The following RECK variants were observed in gnomAD, a reference collection of about 807,000 sequenced individuals.
The protein encoded by RECK is reversion inducing cysteine rich protein with kazal motifs.
RECK carries 69 observed loss-of-function variants against 115.1 expected under a neutral mutation model. The ratio of observed to expected loss-of-function variants is 0.60; its 90% confidence interval spans 0.49 to 0.73. The LOEUF is 0.73. Among genes scored for constraint, RECK ranks in the 30% least tolerant of loss-of-function variants. The probability of loss-of-function intolerance (pLI) is 0.00; values close to 1 mark genes in which losing one functional copy is unlikely to be tolerated. For missense variants in RECK, 1,047 were observed against 1,203.7 expected, an observed-to-expected ratio of 0.87 and a Z score of 1.93; for synonymous variants, 414 against 419.7, an observed-to-expected ratio of 0.99 and a Z score of 0.17.
At chr9:36,096,994 C>T (rs1214409454) in intron 10 of RECK, among the ~76,000 whole-genome samples, 1 of 151,936 alleles carries the variant, frequency 6.6e-6, no homozygotes, top group African/African-American at 2.4e-5. Context: ...ACTCCTACAA[C>T]ATCATGATAA....
At chr9:36,065,764 T>C (rs1821971715) in intron 6 of RECK, 140 bp downstream of exon 6, 1 of 562,400 alleles carries the variant, frequency 1.8e-6, no homozygotes, top group Admixed American at 4.3e-5. Context: ...GACAAAAATG[T>C]CATTTACTGT....
chr9:36,105,649 G>GA (rs1056152016), intron 13 of RECK, among the ~76,000 whole-genome samples: 2 of 151,376 alleles, frequency 1.3e-5, no homozygotes, highest in African/African-American at 4.9e-5. Context: ...TGTAATGTTT[G>GA]AAAAAAAATA....
chr9:36,100,473 T>C lies in RECK; in HGVS notation c.1228T>C (p.Trp410Arg), dbSNP rs562207546. ...LDIKKCQPEM[W>R]KAIACSLQIK... ...TATTAAAAAGTGCCAGCCAGAGATG[T>C]GGAAAGCAATAGCTTGTTCACTGCA... The change falls in exon 11 of 21, where the codon TGG becomes CGG. Residue 410 changes from tryptophan (W) to arginine (R), a missense_variant. Coordinates refer to ENST00000377966, the MANE Select transcript of RECK (RefSeq NM_021111.3). The C allele has an allele frequency of 6.2e-6, 10 of 1,614,166 alleles. 1 individual carries two copies. Among genetic ancestry groups the C allele is most frequent in the South Asian group, 3.3e-5 (3 of 91,084 alleles).
At chr9:36,101,355 A>G (rs1204621619) in intron 11 of RECK, among the ~76,000 whole-genome samples, 5 of 152,238 alleles carry the variant, frequency 3.3e-5, no homozygotes, top group Admixed American at 6.5e-5. Flanking sequence ...ACACATAGTA[A>G]TCTGCCCATT....
At chr9:36,122,012 C>T (rs551601663) in intron 20 of RECK, among the ~76,000 whole-genome samples, 36 of 152,248 alleles carry the variant, frequency 2.4e-4, no homozygotes, top group Non-Finnish European at 2.2e-4. Flanking sequence ...ATTGTACAGA[C>T]GAGGCAGCTG....
chr9:36,117,265 C>T (rs774638727), intron 17 of RECK, 88 bp downstream of exon 17: 105 of 1,049,724 alleles, frequency 1.0e-4, no homozygotes, highest in African/African-American at 3.4e-4. Flanking sequence ...TAAGACCAGC[C>T]GAGGGTCTTC....
chr9:36,078,456 A>G (rs1219066361), intron 6 of RECK, among the ~76,000 whole-genome samples: 1 of 152,190 alleles, frequency 6.6e-6, no homozygotes, highest in African/African-American at 2.4e-5. Flanking sequence ...TTTGGTCTGG[A>G]TAATCTTTTG....
chr9:36,072,908 A>G (rs1822288699), intron 6 of RECK: 1 of 152,108 alleles, frequency 6.6e-6, no homozygotes, highest in Non-Finnish European at 1.5e-5. Context: ...ATGATTCCAA[A>G]AGGGAATTTG....
chr9:36,118,984 G>T lies in RECK; in HGVS notation c.2464+17G>T, dbSNP rs775107099. The T allele has an allele frequency of 3.7e-6, 6 of 1,607,710 alleles. No individual in the cohort carries two copies. The South Asian group carries it at 6.6e-5, about 18-fold the overall frequency. Reference sequence around the variant, plus strand: ...TCCCACCGGGTAGGCTGGCAGTATCGGGGTGGACAGGGGAGGACTGAGAAG... The same window carrying T: ...TCCCACCGGGTAGGCTGGCAGTATCTGGGTGGACAGGGGAGGACTGAGAAG... On this transcript the variant is annotated intron_variant, in intron 18 of 20. Coordinates refer to ENST00000377966, the MANE Select transcript of RECK (RefSeq NM_021111.3).
intron 2 of RECK, chr9:36,057,100 G>A: frequency 1.2e-6 from 1 of 816,546 alleles, no homozygotes. Context: ...CTATTTGGAA[G>A]TGAGCCATTT....
At chr9:36,096,923 T>TAC (rs3070850) in intron 10 of RECK, among the ~76,000 whole-genome samples, 83,046 of 150,226 alleles carry the variant, frequency 0.55, 23,039 homozygotes, top group Admixed American at 0.59. Context: ...GGTGTGTGCA[T>TAC]ACACACACAC....
At chr9:36,122,274 T>C (rs1015407705) in intron 20 of RECK, among the ~76,000 whole-genome samples, 6 of 152,208 alleles carry the variant, frequency 3.9e-5, no homozygotes, top group African/African-American at 1.4e-4. Flanking sequence ...CACTAGGAAG[T>C]TCATCTCGTC....
intron 10 of RECK, among the ~76,000 whole-genome samples, chr9:36,097,148 AC>A (rs1478204347): frequency 6.6e-6 from 1 of 152,038 alleles, no homozygotes; most frequent in Non-Finnish European, 1.5e-5. Context: ...ACATGGTGAA[AC>A]CCCGTCTCTA....
In RECK at chr9:36,060,005, A is replaced by T; in HGVS notation, c.235-114A>T. The T allele has an allele frequency of 3.4e-6, 3 of 878,340 alleles. No homozygotes were observed. In the South Asian group the frequency reaches 4.6e-5, roughly 13 times the overall value. The allele number at this position is 878,340 out of a possible 1,614,324, so 54.4% of individuals were successfully genotyped here. Reference sequence around the variant, plus strand: ...ATGTGCCTGTAGTTCTAGAACATTGACTGTGTAGACATAGCCATAATCAAA... The same window carrying T: ...ATGTGCCTGTAGTTCTAGAACATTGTCTGTGTAGACATAGCCATAATCAAA... On this transcript the variant is annotated intron_variant, in intron 3 of 20. Coordinates refer to ENST00000377966, the MANE Select transcript of RECK (RefSeq NM_021111.3).
intron 14 of RECK, 57 bp downstream of exon 14, chr9:36,108,221 A>G: frequency 2.3e-6 from 3 of 1,301,842 alleles, no homozygotes; most frequent in South Asian, 1.5e-5. Context: ...TTTACTTTGT[A>G]GGAAGAATAC....
chr9:36,093,512 T>A (rs10972721), intron 10 of RECK, among the ~76,000 whole-genome samples: 46,378 of 151,930 alleles, frequency 0.31, 8,445 homozygotes, highest in Middle Eastern at 0.47. Flanking sequence ...AAATGCAATA[T>A]CTAAAATAAA....
chr9:36,083,686 T>G (rs1232325437), intron 8 of RECK, 124 bp downstream of exon 8: 1 of 1,059,874 alleles, frequency 9.4e-7, no homozygotes, highest in Non-Finnish European at 1.3e-6. Flanking sequence ...CTTCCTTTGG[T>G]ATTTAGATTT....
rs557754331 is a variant in RECK, at chr9:36,052,208, G to T, written c.101-57G>T. ...ATGGTTTGTGTAACCATCTGAATTA[G>T]CTTAGTCATCTTGTTTAACAGTGGA... On this transcript the variant is annotated intron_variant, in intron 1 of 20. Transcript: ENST00000377966. 4.7e-5 allele frequency: 47 copies of T among 1,003,044 alleles called. No individual in the cohort carries two copies. The African/African-American group carries it at 5.7e-4, about 12-fold the overall frequency. 62.1% of individuals were successfully genotyped at this position (1,003,044 alleles called of 1,614,324 possible). A position where few individuals can be genotyped will look rare whatever the true frequency, so the allele number is the denominator to read the frequency against.
intron 16 of RECK, among the ~76,000 whole-genome samples, chr9:36,116,168 G>T (rs1004904270): frequency 7.5e-6 from 1 of 133,816 alleles, no homozygotes; most frequent in Non-Finnish European, 1.6e-5. Context: ...TGCTCTTGTT[G>T]CCCAGGCTGG....
Sources: allele counts gnomAD v4.1 joint callset (sites outside exome capture counted in the v4.1 genomes callset), GRCh38; gene constraint gnomAD v4.1.1; transcripts MANE v1.5; gene names NCBI Gene and HGNC (gene_info 2026-07-23, HGNC 2026-07-21).